The following TWSG1 variants were observed in gnomAD, a reference collection of about 807,000 sequenced individuals.
TWSG1 encodes the protein twisted gastrulation BMP signaling modulator 1.
Under a neutral mutation model 23.0 loss-of-function variants are expected in TWSG1, and 15 were observed. The observed-to-expected ratio is 0.65, with a 90% CI of 0.44 to 1.00. TWSG1 has a LOEUF of 1.00. TWSG1 is among the 50% of genes least tolerant of loss of function. The pLI is 0.00. For missense variants in TWSG1, 242 were observed against 278.7 expected, an observed-to-expected ratio of 0.87 and a Z score of 0.94; for synonymous variants, 86 against 92.8, an observed-to-expected ratio of 0.93 and a Z score of 0.42.
At chr18:9,353,906 C>G (rs549684153) in intron 2 of TWSG1, among the ~76,000 whole-genome samples, 1 of 152,286 alleles carries the variant, frequency 6.6e-6, no homozygotes, top group South Asian at 2.1e-4. Context: ...AACTCTTAGC[C>G]AATGAGTCCA....
At chr18:9,363,309 AC>A (rs2040561246) in intron 3 of TWSG1, among the ~76,000 whole-genome samples, 1 of 150,966 alleles carries the variant, frequency 6.6e-6, no homozygotes, top group Admixed American at 6.6e-5. Flanking sequence ...CTAGATCTCC[AC>A]CCACAAGCTC....
chr18:9,356,057 T>C (rs762379181), intron 2 of TWSG1, among the ~76,000 whole-genome samples: 1 of 152,236 alleles, frequency 6.6e-6, no homozygotes, highest in Non-Finnish European at 1.5e-5. Context: ...CAAGTTTTAA[T>C]AGTAGTTTTT....
intron 3 of TWSG1, among the ~76,000 whole-genome samples, chr18:9,377,154 A>G (rs1204184366): frequency 6.6e-6 from 1 of 152,038 alleles, no homozygotes; most frequent in East Asian, 1.9e-4. Flanking sequence ...ACTGTAGTCA[A>G]ATGATCTTGA....
chr18:9,394,047 C>G (rs2145634931), intron 3 of TWSG1, among the ~76,000 whole-genome samples: 1 of 152,284 alleles, frequency 6.6e-6, no homozygotes, highest in South Asian at 2.1e-4. Flanking sequence ...AATCCCATTA[C>G]TATACATTTA....
At chr18:9,367,827 A>G (rs1187153298) in intron 3 of TWSG1, among the ~76,000 whole-genome samples, 1 of 152,200 alleles carries the variant, frequency 6.6e-6, no homozygotes, top group Non-Finnish European at 1.5e-5. Flanking sequence ...TTAAGGCTGA[A>G]TAGTATTCCA....
intron 3 of TWSG1, among the ~76,000 whole-genome samples, chr18:9,365,201 T>C (rs935894793): frequency 2.6e-5 from 4 of 152,052 alleles, no homozygotes; most frequent in Non-Finnish European, 5.9e-5. Context: ...CATGCACATA[T>C]GGTCCCAGCT....
At chr18:9,376,213 G>A (rs146450913) in intron 3 of TWSG1, among the ~76,000 whole-genome samples, 137 of 152,100 alleles carry the variant, frequency 9.0e-4, no homozygotes, top group African/African-American at 3.1e-3. Context: ...CACCACACCC[G>A]GCCTTCATCT....
intron 2 of TWSG1, among the ~76,000 whole-genome samples, chr18:9,357,065 A>G (rs1487876870): frequency 1.3e-5 from 2 of 152,018 alleles, no homozygotes; most frequent in Non-Finnish European, 2.9e-5. Flanking sequence ...CTCCAAAGAC[A>G]AAGTATAGCT....
At position 9,366,259 on chromosome 18, in the gene TWSG1, A is replaced by G. The variant is rs533174495; in HGVS notation, c.223+6188A>G. 5.9e-5 allele frequency among the ~76,000 whole-genome samples: 9 copies of G among 152,326 alleles called. No homozygotes were observed. In the South Asian group the frequency reaches 1.9e-3, roughly 32 times the overall value. On this transcript the variant is annotated intron_variant, in intron 3 of 4. Coordinates refer to ENST00000262120, the MANE Select transcript of TWSG1 (RefSeq NM_020648.6). ...CCTGCTGAAAACCTGCTTAGCAACC[A>G]CAGCTTGGCTCATTTTGCCATACCA...
At chr18:9,355,709 A>G (rs1482260176) in intron 2 of TWSG1, among the ~76,000 whole-genome samples, 1 of 152,168 alleles carries the variant, frequency 6.6e-6, no homozygotes, top group Non-Finnish European at 1.5e-5. Context: ...CCATCTATTA[A>G]ATTTGCCTAT....
At chr18:9,343,212 A>T (rs1375388606) in intron 2 of TWSG1, among the ~76,000 whole-genome samples, 61 of 802 alleles carry the variant, frequency 0.076, no homozygotes, top group South Asian at 0.2. Flanking sequence ...GTTTTTTGTT[A>T]TATATATATA....
intron 3 of TWSG1, among the ~76,000 whole-genome samples, chr18:9,385,120 T>C (rs73383432): frequency 0.041 from 6,226 of 152,258 alleles, 422 homozygotes; most frequent in African/African-American, 0.14. Flanking sequence ...CGAGATTATT[T>C]GAAGATCTGT....
At chr18:9,396,718 A>AT in intron 4 of TWSG1, 172 bp downstream of exon 4, 1 of 768,400 alleles carries the variant, frequency 1.3e-6, no homozygotes, top group Non-Finnish European at 1.9e-6. Context: ...CTAGAGGCAC[A>AT]TGCCAGAAGG....
chr18:9,354,085 A>C (rs910364121), intron 2 of TWSG1, among the ~76,000 whole-genome samples: 1 of 152,230 alleles, frequency 6.6e-6, no homozygotes, highest in African/African-American at 2.4e-5. Flanking sequence ...TAATTATTAA[A>C]ATGTTAATTT....
Position 9,341,305 on chromosome 18 carries a change from G to A in TWSG1, c.123+3953G>A, listed in dbSNP as rs895286412. ...GCTCAAAATTTTCTTCTAGTTCTAG[G>A]CAGTTTTAAAGAAAGAAACCAACTA... On this transcript the variant is annotated intron_variant, in intron 2 of 4. Coordinates refer to ENST00000262120, the MANE Select transcript of TWSG1 (RefSeq NM_020648.6). Among the ~76,000 whole-genome samples, 3 of 152,200 alleles carry A rather than the reference G, an allele frequency of 2.0e-5. No homozygotes were observed. The East Asian group carries it at 5.8e-4, about 29-fold the overall frequency.
Position 9,399,743 on chromosome 18 carries a change from C to G in TWSG1, c.*216C>G. ...TTGCCCCCTAGCAATAAGCCCTTTC[C>G]TTTGAATACATGTACAACTTTGGTC... On this transcript the variant is annotated 3_prime_UTR_variant, in exon 5 of 5. Transcript: ENST00000262120. The G allele has an allele frequency of 4.7e-6, 2 of 422,222 alleles. No individual in the cohort carries two copies. The highest frequency in any genetic ancestry group is 4.1e-5 in the East Asian group (1 of 24,542). The allele number at this position is 422,222 out of a possible 1,614,324, so 26.2% of individuals were successfully genotyped here.
At chr18:9,368,908 A>G (rs940350490) in intron 3 of TWSG1, among the ~76,000 whole-genome samples, 1 of 152,160 alleles carries the variant, frequency 6.6e-6, no homozygotes, top group Middle Eastern at 3.4e-3. Context: ...AGATCATGCA[A>G]CTGCACTCCA....
intron 2 of TWSG1, among the ~76,000 whole-genome samples, chr18:9,354,545 T>A (rs2040516174): frequency 6.6e-6 from 1 of 152,178 alleles, no homozygotes; most frequent in Non-Finnish European, 1.5e-5. Context: ...GTGGAGACTT[T>A]GAAATAATAG....
chr18:9,359,789 A>G (rs1045909837), intron 2 of TWSG1, among the ~76,000 whole-genome samples, 183 bp from the exon 3 acceptor site: 3 of 152,192 alleles, frequency 2.0e-5, no homozygotes, highest in Admixed American at 2.0e-4. Context: ...AATATATCCA[A>G]AAAAAATCTA....
Sources: allele counts gnomAD v4.1 joint callset (sites outside exome capture counted in the v4.1 genomes callset), GRCh38; gene constraint gnomAD v4.1.1; transcripts MANE v1.5; gene names NCBI Gene and HGNC (gene_info 2026-07-23, HGNC 2026-07-21).